HBEGF: variants seen among roughly 807,000 people sequenced by gnomAD.
The protein encoded by HBEGF is proheparin-binding EGF-like growth factor.
In HBEGF, 8 loss-of-function variants were observed where a neutral mutation model predicts 19.5. The ratio of observed to expected loss-of-function variants is 0.41; its 90% confidence interval spans 0.24 to 0.74. The LOEUF is 0.74. Ranked by LOEUF, HBEGF falls within the 30% of genes least tolerant of loss-of-function variation. The pLI is 0.32. For missense variants in HBEGF, 207 were observed against 256.9 expected (o/e 0.81, Z 1.33); for synonymous variants, 97 against 108.9 (o/e 0.89, Z 0.68).
intron 5 of HBEGF, among the ~76,000 whole-genome samples, 176 bp downstream of exon 5, chr5:140,334,482 C>A (rs1766197945): frequency 6.6e-6 from 1 of 152,160 alleles, no homozygotes; most frequent in Non-Finnish European, 1.5e-5. Flanking sequence ...GTCTCTCTAG[C>A]AACTTTTACC....
intron 2 of HBEGF, among the ~76,000 whole-genome samples, chr5:140,344,501 T>G (rs1766365036): frequency 6.6e-6 from 1 of 152,212 alleles, no homozygotes; most frequent in Non-Finnish European, 1.5e-5. Flanking sequence ...ATCAAGTGCC[T>G]AGAACACAGT....
chr5:140,344,862 T>A (rs1224471576), intron 2 of HBEGF, among the ~76,000 whole-genome samples: 1 of 33,698 alleles, frequency 3.0e-5, no homozygotes, highest in Admixed American at 2.9e-4. Context: ...GGGTGGGGGG[T>A]GGGGGTGGGG....
At position 140,332,887 on chromosome 5, in the gene HBEGF, T is replaced by C. The variant is rs1238018527; in HGVS notation, c.*1412A>G. The C allele has an allele frequency of 1.3e-5, 2 of 152,656 alleles. No individual in the cohort carries two copies. Among genetic ancestry groups the C allele is most frequent in the Non-Finnish European group, 2.9e-5 (2 of 68,044 alleles). 9.5% of individuals were successfully genotyped at this position (152,656 alleles called of 1,614,324 possible). Reference sequence around the variant, plus strand: ...TTATTTGGATTGCAAAGTATAAATATGAACCAGGTTTGGAAATACAAGTTG... The same window carrying C: ...TTATTTGGATTGCAAAGTATAAATACGAACCAGGTTTGGAAATACAAGTTG... On this transcript the variant is annotated 3_prime_UTR_variant, in exon 6 of 6. Coordinates refer to ENST00000230990, the MANE Select transcript of HBEGF (RefSeq NM_001945.3).
At chr5:140,345,764 C>G in intron 2 of HBEGF, 147 bp downstream of exon 2, 1 of 896,216 alleles carries the variant, frequency 1.1e-6, no homozygotes, top group Non-Finnish European at 1.8e-6. Context: ...CCAGGATCCC[C>G]CAGTGCCCAT....
At chr5:140,342,539 T>C in intron 3 of HBEGF, 96 bp downstream of exon 3, 2 of 1,205,944 alleles carry the variant, frequency 1.7e-6, no homozygotes, top group Non-Finnish European at 2.4e-6. Context: ...AGAAACTGGG[T>C]GAAATTATGA....
chr5:140,344,350 A>T (rs1242500179), intron 2 of HBEGF, among the ~76,000 whole-genome samples: 1 of 152,142 alleles, frequency 6.6e-6, no homozygotes. Flanking sequence ...TCTGAAGTCC[A>T]TAGACCTGTG....
chr5:140,344,861 G>T (rs1311726188), intron 2 of HBEGF, among the ~76,000 whole-genome samples: 1 of 143,238 alleles, frequency 7.0e-6, no homozygotes. Context: ...TGGGTGGGGG[G>T]TGGGGGTGGG....
At chr5:140,342,116 C>T (rs4150212) in intron 3 of HBEGF, among the ~76,000 whole-genome samples, 46,644 of 152,110 alleles carry the variant, frequency 0.31, 7,638 homozygotes, top group African/African-American at 0.4. Flanking sequence ...GAGGCCTCAA[C>T]CTGCCGCCAT....
At chr5:140,336,699 C>A (rs529393718) in intron 3 of HBEGF, among the ~76,000 whole-genome samples, 26 of 152,370 alleles carry the variant, frequency 1.7e-4, no homozygotes, top group African/African-American at 5.8e-4. Flanking sequence ...CAGGACAAAC[C>A]AAACAAATCA....
At chr5:140,343,105 C>T (rs1301903361) in intron 2 of HBEGF, 6 of 360,584 alleles carry the variant, frequency 1.7e-5, no homozygotes, top group African/African-American at 4.1e-5. Context: ...AGTAACTGGG[C>T]AATTCTACCA....
chr5:140,341,612 A>C (rs1766312285), intron 3 of HBEGF, among the ~76,000 whole-genome samples: 1 of 152,200 alleles, frequency 6.6e-6, no homozygotes, highest in Non-Finnish European at 1.5e-5. Context: ...AAGCTTTAAA[A>C]AGCTAAGGGA....
chr5:140,334,990 T>C lies in HBEGF; in HGVS notation c.555-242A>G, dbSNP rs1766206028. On this transcript the variant is annotated intron_variant, in intron 4 of 5. Transcript: ENST00000230990. ...TTACGTGATCCTCACAACATCCTTA[T>C]GAGGTAGATGGACAAACATTACAAT... 5.3e-6 allele frequency: 3 copies of C among 568,812 alleles called. No individual in the cohort carries two copies. The South Asian group carries it at 6.2e-5, about 12-fold the overall frequency. The allele number at this position is 568,812 out of a possible 1,614,324, so 35.2% of individuals were successfully genotyped here.
chr5:140,343,795 T>G (rs938432811), intron 2 of HBEGF, among the ~76,000 whole-genome samples: 1 of 152,194 alleles, frequency 6.6e-6, no homozygotes, highest in African/African-American at 2.4e-5. Flanking sequence ...AGGGTAAGCA[T>G]GATACGTTAG....
In HBEGF at chr5:140,346,427, C is replaced by G. The variant is rs11465434; in HGVS notation, c.-99G>C. ...GCTGGGCGGCGGAGCTCAGGAGATT[C>G]CGCCGGGCACCGTCTGCCGCCCGCC... On this transcript the variant is annotated 5_prime_UTR_variant, in exon 1 of 6. Coordinates refer to ENST00000230990, the MANE Select transcript of HBEGF (RefSeq NM_001945.3). The surrounding 1 kb of genome is among the most constrained non-coding windows in gnomAD (Gnocchi z 6.1). The G allele has an allele frequency of 8.1e-3, 10,709 of 1,329,886 alleles. 77 individuals carry two copies. Among genetic ancestry groups the G allele is most frequent in the Middle Eastern group, 0.022 (117 of 5,216 alleles). The allele number at this position is 1,329,886 out of a possible 1,614,324, so 82.4% of individuals were successfully genotyped here.
At chr5:140,337,126 G>A (rs1008296678) in intron 3 of HBEGF, among the ~76,000 whole-genome samples, 23 of 151,910 alleles carry the variant, frequency 1.5e-4, no homozygotes, top group Admixed American at 6.6e-5. Context: ...CCACCACACC[G>A]GGCTGGCAAC....
intron 3 of HBEGF, among the ~76,000 whole-genome samples, chr5:140,336,239 C>T (rs1766225829): frequency 6.6e-6 from 1 of 152,208 alleles, no homozygotes; most frequent in African/African-American, 2.4e-5. Context: ...ACTTGACACC[C>T]TCCCCTTTTC....
At chr5:140,345,728 A>AAG (rs1408311727) in intron 2 of HBEGF, among the ~76,000 whole-genome samples, 183 bp downstream of exon 2, 1 of 151,998 alleles carries the variant, frequency 6.6e-6, no homozygotes, top group Non-Finnish European at 1.5e-5. Context: ...AGGCAATGAC[A>AAG]AGAGAGAGAG....
chr5:140,337,572 G>A (rs1341019084), intron 3 of HBEGF, among the ~76,000 whole-genome samples: 2 of 152,210 alleles, frequency 1.3e-5, no homozygotes, highest in African/African-American at 4.8e-5. Flanking sequence ...GAGCACCAGG[G>A]AAGCTCCAAG....
Position 140,333,618 on chromosome 5 carries a change from A to G in HBEGF, c.*681T>C, listed in dbSNP as rs565923593. ...TGGAGGGCCAGGAAATTGCCAAAGT[A>G]ACAGTCTAGGCACTTGAAATATTAT... is the stretch of plus-strand genomic sequence containing the variant. On this transcript the variant is annotated 3_prime_UTR_variant, in exon 6 of 6. Coordinates refer to ENST00000230990, the MANE Select transcript of HBEGF (RefSeq NM_001945.3). 1 of 152,816 alleles carries G rather than the reference A, an allele frequency of 6.5e-6. No individual in the cohort carries two copies. Among genetic ancestry groups the G allele is most frequent in the Admixed American group, 6.5e-5 (1 of 15,310 alleles). 9.5% of individuals were successfully genotyped at this position (152,816 alleles called of 1,614,324 possible). A position where few individuals can be genotyped will look rare whatever the true frequency, so the allele number is the denominator to read the frequency against.
Sources: allele counts gnomAD v4.1 joint callset (sites outside exome capture counted in the v4.1 genomes callset), GRCh38; gene constraint gnomAD v4.1.1; non-coding constraint Gnocchi (gnomAD v3.1); transcripts MANE v1.5; gene names NCBI Gene and HGNC (gene_info 2026-07-23, HGNC 2026-07-21).